CALN1: variants seen among roughly 807,000 people sequenced by gnomAD.
CALN1 encodes the protein calcium-binding protein 8.
Under a neutral mutation model 30.6 loss-of-function variants are expected in CALN1, and 17 were observed. That is an observed-to-expected ratio of 0.56 (90% confidence interval 0.38 to 0.83). The LOEUF (loss-of-function observed/expected upper bound fraction) is 0.83, where lower values mean the gene tolerates loss of function less well. Ranked by LOEUF, CALN1 falls within the 40% of genes least tolerant of loss-of-function variation. The pLI is 0.00. For synonymous variants in CALN1, 156 were observed against 131.4 expected (o/e 1.19, Z -1.28); for missense variants, 291 against 354.9 (o/e 0.82, Z 1.45).
At chr7:72,424,955 G>A (rs1462390409) in intron 1 of CALN1, among the ~76,000 whole-genome samples, 1 of 152,056 alleles carries the variant, frequency 6.6e-6, no homozygotes, top group Non-Finnish European at 1.5e-5. Flanking sequence ...GTAAGGCTGG[G>A]CCCATCTCTA....
chr7:72,355,736 C>G (rs1025085389), intron 2 of CALN1, among the ~76,000 whole-genome samples: 15 of 151,970 alleles, frequency 9.9e-5, no homozygotes, highest in Non-Finnish European at 1.9e-4. Context: ...CAGAAAAAAA[C>G]AATCTGTAGT....
At chr7:71,872,253 T>C (rs1258310275) in intron 5 of CALN1, among the ~76,000 whole-genome samples, 1 of 152,214 alleles carries the variant, frequency 6.6e-6, no homozygotes, top group Admixed American at 6.5e-5. Context: ...GGCAGATGTT[T>C]TTCCTGCACC....
chr7:71,944,605 AAAAAAAAAAAAAG>A (rs1431779263), intron 5 of CALN1, among the ~76,000 whole-genome samples: 2 of 151,220 alleles, frequency 1.3e-5, no homozygotes, highest in East Asian at 1.9e-4. Flanking sequence ...AAAAAAAAAA[AAAAAAAAAAAAAG>A]AAAGAAAACA....
At chr7:72,134,992 T>C (rs149028042) in intron 3 of CALN1, among the ~76,000 whole-genome samples, 50 of 152,340 alleles carry the variant, frequency 3.3e-4, no homozygotes, top group African/African-American at 1.1e-3. Flanking sequence ...GTAGATTCTA[T>C]TTCAAGAAAC....
intron 5 of CALN1, among the ~76,000 whole-genome samples, chr7:71,995,538 G>A (rs562355523): frequency 2.9e-4 from 44 of 152,230 alleles, no homozygotes; most frequent in Non-Finnish European, 4.9e-4. Flanking sequence ...GCCGGCTGCC[G>A]TGGCTCACAC....
chr7:72,365,091 G>T (rs751933564), intron 2 of CALN1, among the ~76,000 whole-genome samples: 1 of 152,136 alleles, frequency 6.6e-6, no homozygotes, highest in Non-Finnish European at 1.5e-5. Flanking sequence ...GATCACCTGA[G>T]GTCAGGAGTT....
chr7:72,077,627 G>T lies in CALN1; in HGVS notation c.388+28524C>A, dbSNP rs143906542. 1.8e-3 allele frequency among the ~76,000 whole-genome samples: 270 copies of T among 152,190 alleles called. 2 individuals carry two copies. The highest frequency in any genetic ancestry group is 5.7e-3 in the African/African-American group (238 of 41,554). ...TTCCCAACCCCTGTCTCTCTTCAAAGGAGTCTTGTTTTCCCTGGACAAAAT... is the reference window on the plus strand; with the variant it reads ...TTCCCAACCCCTGTCTCTCTTCAAATGAGTCTTGTTTTCCCTGGACAAAAT... On this transcript the variant is annotated intron_variant, in intron 4 of 6. Coordinates refer to ENST00000395275, the MANE Select transcript of CALN1 (RefSeq NM_031468.4).
chr7:71,918,300 G>A (rs1794780291), intron 5 of CALN1, among the ~76,000 whole-genome samples: 1 of 152,210 alleles, frequency 6.6e-6, no homozygotes, highest in African/African-American at 2.4e-5. Context: ...GAGTCGTGAG[G>A]CAGGTTACTG....
intron 5 of CALN1, among the ~76,000 whole-genome samples, chr7:71,938,025 T>C (rs1434232014): frequency 6.6e-6 from 1 of 152,212 alleles, no homozygotes; most frequent in Non-Finnish European, 1.5e-5. Context: ...ACTGACGTTT[T>C]ACGCAACATC....
chr7:71,962,957 T>C lies in CALN1; in HGVS notation c.501+60700A>G, dbSNP rs73703426. ...GTAACCTTGAAAGATTCAAGTATAA[T>C]AAATTCTCATATATAAGGATCTCAG... On this transcript the variant is annotated intron_variant, in intron 5 of 6. Transcript: ENST00000395275. 5.3e-3 allele frequency among the ~76,000 whole-genome samples: 802 copies of C among 152,254 alleles called. 8 individuals carry two copies. Among genetic ancestry groups the C allele is most frequent in the African/African-American group, 0.019 (783 of 41,544 alleles).
intron 4 of CALN1, among the ~76,000 whole-genome samples, chr7:72,034,290 C>T (rs1801643092): frequency 6.8e-6 from 1 of 146,208 alleles, no homozygotes; most frequent in Admixed American, 7.0e-5. Context: ...GGAGGCGGAG[C>T]TTGCAGTGAG....
At chr7:72,252,091 A>T (rs373698855) in intron 3 of CALN1, among the ~76,000 whole-genome samples, 2 of 152,150 alleles carry the variant, frequency 1.3e-5, no homozygotes, top group African/African-American at 4.8e-5. Context: ...CCTATTCAGA[A>T]TCTCCACCTG....
intron 5 of CALN1, among the ~76,000 whole-genome samples, chr7:71,932,783 T>G (rs1584542004): frequency 1.4e-5 from 2 of 138,240 alleles, no homozygotes; most frequent in African/African-American, 2.8e-5. Flanking sequence ...ATCACTGCAC[T>G]CCAGCCTGGG....
intron 1 of CALN1, among the ~76,000 whole-genome samples, chr7:72,404,338 T>C (rs533222497): frequency 2.4e-4 from 36 of 152,340 alleles, no homozygotes; most frequent in East Asian, 1.7e-3. Flanking sequence ...CTTAAAATAA[T>C]TGGTGCTCAA....
At chr7:72,182,742 A>G (rs1789905778) in intron 3 of CALN1, among the ~76,000 whole-genome samples, 1 of 149,452 alleles carries the variant, frequency 6.7e-6, no homozygotes, top group African/African-American at 2.5e-5. Flanking sequence ...AAATGAAAAA[A>G]AAATGACAAA....
chr7:72,376,620 T>C lies in CALN1; in HGVS notation c.119+26631A>G, dbSNP rs573117607. 4.0e-4 allele frequency among the ~76,000 whole-genome samples: 61 copies of C among 152,354 alleles called. 1 individual carries two copies. In the South Asian group the frequency reaches 0.012, roughly 31 times the overall value. The stretch of plus-strand genomic sequence containing the variant: ...TTCTCTACATTTGACCATTATAATG[T>C]ACTTTACTTGCAAATATTTTATCCC... On this transcript the variant is annotated intron_variant, in intron 2 of 6. Coordinates refer to ENST00000395275, the MANE Select transcript of CALN1 (RefSeq NM_031468.4).
intron 5 of CALN1, among the ~76,000 whole-genome samples, chr7:71,824,610 G>T (rs956058061): frequency 3.3e-5 from 5 of 152,126 alleles, no homozygotes; most frequent in African/African-American, 4.8e-5. Context: ...TTCCTGCCCA[G>T]ATTTGTGAGC....
intron 2 of CALN1, among the ~76,000 whole-genome samples, chr7:72,370,534 G>C (rs1324944010): frequency 2.0e-5 from 3 of 151,894 alleles, no homozygotes; most frequent in Non-Finnish European, 2.9e-5. Context: ...CATGCCTGTA[G>C]TCCCAGCTAC....
At chr7:72,271,575 A>AAAAAAAAAAATATATATATATAT in intron 3 of CALN1, among the ~76,000 whole-genome samples, 37 of 52,108 alleles carry the variant, frequency 7.1e-4, no homozygotes, top group African/African-American at 2.7e-3. Context: ...AAAAAAAAAA[A>AAAAAAAAAAATATATATATATAT]ATATATATAT....
Sources: allele counts gnomAD v4.1 joint callset (sites outside exome capture counted in the v4.1 genomes callset), GRCh38; gene constraint gnomAD v4.1.1; transcripts MANE v1.5; gene names NCBI Gene and HGNC (gene_info 2026-07-23, HGNC 2026-07-21).